The following SLIT3 variants were observed in gnomAD, a reference collection of about 807,000 sequenced individuals.
The protein encoded by SLIT3 is slit homolog 3 protein.
SLIT3 carries 68 observed loss-of-function variants against 184.0 expected under a neutral mutation model. The ratio of observed to expected loss-of-function variants is 0.37; its 90% confidence interval spans 0.30 to 0.45. The LOEUF is 0.45. SLIT3 is among the 20% of genes least tolerant of loss of function. The probability of loss-of-function intolerance (pLI) is 1.00; values close to 1 mark genes in which losing one functional copy is unlikely to be tolerated. For synonymous variants in SLIT3, 831 were observed against 828.6 expected, an observed-to-expected ratio of 1.00 and a Z score of -0.05; for missense variants, 1,707 against 2,026.0, an observed-to-expected ratio of 0.84 and a Z score of 3.02.
chr5:168,744,446 A>G (rs1157479157), intron 20 of SLIT3, among the ~76,000 whole-genome samples: 2 of 152,250 alleles, frequency 1.3e-5, no homozygotes. Context: ...TCTTCCGTGG[A>G]GACAAAATAG....
chr5:169,122,270 C>T (rs1224647625), intron 4 of SLIT3, among the ~76,000 whole-genome samples: 4 of 152,160 alleles, frequency 2.6e-5, no homozygotes, highest in African/African-American at 4.8e-5. Context: ...ACCACACTCT[C>T]GAGAGGAGAA....
At chr5:169,020,354 C>G (rs759566440) in intron 4 of SLIT3, among the ~76,000 whole-genome samples, 1 of 152,076 alleles carries the variant, frequency 6.6e-6, no homozygotes, top group Non-Finnish European at 1.5e-5. Context: ...TGGCTTGGTC[C>G]GTGAAACTTC....
chr5:168,891,664 G>T (rs1218056469), intron 4 of SLIT3, among the ~76,000 whole-genome samples: 1 of 152,198 alleles, frequency 6.6e-6, no homozygotes, highest in Non-Finnish European at 1.5e-5. Flanking sequence ...TAAGATGCTT[G>T]GTCCCAGGGG....
At chr5:168,932,451 A>G (rs569693938) in intron 4 of SLIT3, among the ~76,000 whole-genome samples, 1 of 151,976 alleles carries the variant, frequency 6.6e-6, no homozygotes, top group African/African-American at 2.4e-5. Flanking sequence ...TTTCCCTAGG[A>G]GACAGAAAGA....
chr5:168,987,983 G>T (rs1326279431), intron 4 of SLIT3, among the ~76,000 whole-genome samples: 1 of 152,214 alleles, frequency 6.6e-6, no homozygotes, highest in Non-Finnish European at 1.5e-5. Flanking sequence ...GCACATTAAG[G>T]TGTTCTCTTC....
chr5:168,908,019 C>T (rs918480862), intron 4 of SLIT3, among the ~76,000 whole-genome samples: 8 of 111,936 alleles, frequency 7.1e-5, no homozygotes, highest in Non-Finnish European at 1.2e-4. Context: ...TGGGGGGTTT[C>T]ATTTCATATT....
chr5:169,156,607 G>GT (rs1762313218), intron 4 of SLIT3, among the ~76,000 whole-genome samples: 1 of 152,186 alleles, frequency 6.6e-6, no homozygotes, highest in Non-Finnish European at 1.5e-5. Context: ...GCACCAGGCA[G>GT]TATCACTAAA....
intron 2 of SLIT3, among the ~76,000 whole-genome samples, chr5:169,250,148 T>C (rs1006481182): frequency 6.6e-6 from 1 of 152,210 alleles, no homozygotes; most frequent in African/African-American, 2.4e-5. Flanking sequence ...TTGGGTCTAC[T>C]TAACCTATCC....
chr5:168,907,979 T>TATATATATAGAGAGAG (rs376418381), intron 4 of SLIT3, among the ~76,000 whole-genome samples: 15 of 50,084 alleles, frequency 3.0e-4, no homozygotes, highest in African/African-American at 8.7e-4. Flanking sequence ...TATATATATA[T>TATATATATAGAGAGAG]AGAGAGAGAG....
At chr5:168,907,967 TATATATATATATAGAGAGAGAG>T (rs1761126565) in intron 4 of SLIT3, among the ~76,000 whole-genome samples, 2 of 80,224 alleles carry the variant, frequency 2.5e-5, no homozygotes, top group East Asian at 6.7e-4. Flanking sequence ...TATATATATA[TATATATATATATAGAGAGAGAG>T]AGAGAGAGAG....
chr5:168,976,153 C>T (rs1361524824), intron 4 of SLIT3, among the ~76,000 whole-genome samples: 1 of 152,202 alleles, frequency 6.6e-6, no homozygotes, highest in East Asian at 1.9e-4. Context: ...GAGGTAGGTG[C>T]TGTCATTACC....
chr5:168,810,541 G>T (rs1050593490), intron 8 of SLIT3, among the ~76,000 whole-genome samples: 33 of 152,236 alleles, frequency 2.2e-4, no homozygotes, highest in Non-Finnish European at 3.4e-4. Flanking sequence ...ATGCTGCTCT[G>T]CTGGGGTGGA....
At chr5:168,834,674 G>A (rs147591924) in intron 6 of SLIT3, among the ~76,000 whole-genome samples, 4,570 of 103,896 alleles carry the variant, frequency 0.044, 108 homozygotes, top group Middle Eastern at 0.19. Flanking sequence ...GACACACAGC[G>A]AGACTCTGTC....
chr5:169,112,269 A>AC (rs1408008178), intron 4 of SLIT3, among the ~76,000 whole-genome samples: 1 of 152,180 alleles, frequency 6.6e-6, no homozygotes, highest in Admixed American at 6.5e-5. Context: ...GCTGGTGATA[A>AC]CAGCGCTGAC....
At chr5:169,016,581 T>C (rs1201615261) in intron 4 of SLIT3, among the ~76,000 whole-genome samples, 1 of 152,186 alleles carries the variant, frequency 6.6e-6, no homozygotes. Context: ...ATACATGTAA[T>C]TCTTATTTAC....
chr5:168,933,154 A>C (rs1762047970), intron 4 of SLIT3, among the ~76,000 whole-genome samples: 1 of 152,168 alleles, frequency 6.6e-6, no homozygotes, highest in Non-Finnish European at 1.5e-5. Context: ...AATGGGGCTG[A>C]GGGTGAGGGT....
At chr5:168,748,455 G>T in intron 19 of SLIT3, 21 bp from the exon 20 acceptor site, 1 of 1,512,350 alleles carries the variant, frequency 6.6e-7, no homozygotes, top group South Asian at 1.3e-5. Context: ...CCCCAGAGAG[G>T]GTGAGGGTTG....
intron 29 of SLIT3, among the ~76,000 whole-genome samples, chr5:168,691,381 A>G (rs1222897936): frequency 6.6e-6 from 1 of 152,210 alleles, no homozygotes; most frequent in Non-Finnish European, 1.5e-5. Flanking sequence ...CTGAAGTCCT[A>G]AGTCTTGTTG....
chr5:168,747,630 T>C (rs528748808), intron 20 of SLIT3, among the ~76,000 whole-genome samples: 3 of 152,190 alleles, frequency 2.0e-5, no homozygotes, highest in African/African-American at 7.2e-5. Flanking sequence ...GGGGCAGAAA[T>C]AGGATTTTCT....
Sources: allele counts gnomAD v4.1 joint callset (sites outside exome capture counted in the v4.1 genomes callset), GRCh38; gene constraint gnomAD v4.1.1; transcripts MANE v1.5; gene names NCBI Gene and HGNC (gene_info 2026-07-23, HGNC 2026-07-21).